The following CFAP92 variants were observed in gnomAD, a reference collection of about 807,000 sequenced individuals.
CFAP92 encodes the protein uncharacterized protein CFAP92.
A neutral mutation model predicts 106.3 loss-of-function variants in CFAP92; 86 were observed. The ratio of observed to expected loss-of-function variants is 0.81; its 90% CI spans 0.68 to 0.97. The LOEUF (loss-of-function observed/expected upper bound fraction) is 0.97. CFAP92 is among the 50% of genes least tolerant of loss of function. The pLI is 0.00. For synonymous variants in CFAP92, 477 were observed against 506.4 expected (o/e 0.94, Z 0.78); for missense variants, 1,204 against 1,283.8 (o/e 0.94, Z 0.95).
intron 7 of CFAP92, 36 bp from the exon 8 acceptor site, chr3:128,971,469 G>A (rs1173515346): frequency 1.2e-5 from 18 of 1,512,226 alleles, no homozygotes; most frequent in Non-Finnish European, 1.5e-5. Context: ...GCATTAAGAG[G>A]AGACTGTATC....
intron 2 of CFAP92, among the ~76,000 whole-genome samples, chr3:128,990,501 C>T (rs534205522): frequency 1.2e-4 from 18 of 152,130 alleles, no homozygotes; most frequent in African/African-American, 3.9e-4. Flanking sequence ...TGTCTAAAAA[C>T]AAACAAACAA....
chr3:128,990,970 A>G (rs1944175407), intron 2 of CFAP92, among the ~76,000 whole-genome samples: 2 of 151,746 alleles, frequency 1.3e-5, no homozygotes, highest in Admixed American at 1.3e-4. Flanking sequence ...GTATTGAAGG[A>G]AAAAAAAATT....
At chr3:128,960,062 C>T (rs1327948738) in intron 9 of CFAP92, among the ~76,000 whole-genome samples, 1 of 152,186 alleles carries the variant, frequency 6.6e-6, no homozygotes, top group Non-Finnish European at 1.5e-5. Context: ...GTGAGATCCA[C>T]CCCTGCCCAC....
Position 128,993,335 on chromosome 3 carries a change from T to A in CFAP92, c.-31A>T, listed in dbSNP as rs1198238427. 6.3e-7 allele frequency: 1 copy of A among 1,589,382 alleles called. No homozygotes were observed. The highest frequency in any genetic ancestry group is 1.8e-5 in the Admixed American group (1 of 56,438). ...AGAGCGCACTGCTGGCCGCCGGCGC[T>A]CCTGGCAGGGAGAAAGTGAAGGCTG... is the stretch of plus-strand genomic sequence containing the variant. On this transcript the variant is annotated splice_region_variant and 5_prime_UTR_variant, in exon 2 of 16. Transcript: ENST00000645291.
intron 3 of CFAP92, among the ~76,000 whole-genome samples, chr3:128,988,465 G>A (rs758941750): frequency 3.9e-5 from 6 of 152,004 alleles, no homozygotes; most frequent in Non-Finnish European, 7.4e-5. Context: ...TGCTTGAACC[G>A]GGAGGCAGAG....
intron 1 of CFAP92, chr3:129,002,063 C>G: frequency 1.9e-6 from 3 of 1,538,504 alleles, no homozygotes; most frequent in Non-Finnish European, 1.8e-6. Flanking sequence ...TCCGCCAGTT[C>G]CACGCGCGCC....
At chr3:128,917,447 GTTC>G (rs1377091654) in intron 12 of CFAP92, among the ~76,000 whole-genome samples, 3 of 152,162 alleles carry the variant, frequency 2.0e-5, no homozygotes, top group Admixed American at 6.5e-5. Flanking sequence ...CTGTTCCGTA[GTTC>G]TTCTGGGTGC....
At chr3:128,977,983 A>G (rs565919411) in intron 5 of CFAP92, 62 bp downstream of exon 5, 1 of 1,604,646 alleles carries the variant, frequency 6.2e-7, no homozygotes, top group Admixed American at 1.7e-5. Context: ...AGCACACCAC[A>G]CAACCGCTTT....
At chr3:128,995,765 C>T (rs1261288357), upstream of CFAP92, among the ~76,000 whole-genome samples, 1 of 152,198 alleles carries the variant, frequency 6.6e-6, no homozygotes, top group Non-Finnish European at 1.5e-5. Context: ...ACCTACATGT[C>T]AAAAATACAA....
rs1169905843 is a variant in CFAP92 at position 128,978,129 on chromosome 3, T to C, written c.724A>G (p.Thr242Ala). The C allele has an allele frequency of 1.2e-6, 2 of 1,613,860 alleles. No individual in the cohort carries two copies. The highest frequency in any genetic ancestry group is 1.7e-6 in the Non-Finnish European group (2 of 1,179,848). ...RKLSEQGIEN[T>A]NIVREESNQE... ...TTCGACTCTTCTCTGACAATGTTGG[T>C]ATTCTCAATGCCCTGTTCAGATAAT... Residue 242 changes from threonine to alanine, a missense_variant, in exon 5 of 16, where the codon ACC (threonine) becomes GCC (alanine). Transcript: ENST00000645291.
chr3:128,912,354 G>GAATC (rs1936427774), intron 15 of CFAP92, among the ~76,000 whole-genome samples: 2 of 152,166 alleles, frequency 1.3e-5, no homozygotes, highest in Admixed American at 1.3e-4. Context: ...CTGCAGCCCT[G>GAATC]AATCACTTGC....
intron 11 of CFAP92, among the ~76,000 whole-genome samples, 154 bp downstream of exon 11, chr3:128,934,971 C>G (rs1366026123): frequency 6.6e-6 from 1 of 152,230 alleles, no homozygotes; most frequent in East Asian, 1.9e-4. Flanking sequence ...GCCACAGAGT[C>G]ACAGCATCTG....
At chr3:129,014,753 C>T in the CFAP92 span, among the ~76,000 whole-genome samples, 2 of 152,100 alleles carry the variant, frequency 1.3e-5, no homozygotes, top group Non-Finnish European at 2.9e-5. The surrounding 1 kb of genome is among the most constrained non-coding windows in gnomAD (Gnocchi z 4.3). Context: ...GAGGTGACTC[C>T]CATAGCAAAA....
At chr3:128,995,758 T>A (rs1400661998), upstream of CFAP92, among the ~76,000 whole-genome samples, 8 of 152,234 alleles carry the variant, frequency 5.3e-5, no homozygotes. Context: ...TGGAAACACC[T>A]ACATGTCAAA....
chr3:128,993,377 A>C, intron 1 of CFAP92, 41 bp from the exon 2 acceptor site: 1 of 1,535,454 alleles, frequency 6.5e-7, no homozygotes, highest in South Asian at 1.2e-5. Context: ...CCTGTATTCC[A>C]GGGCTGCTCC....
At chr3:128,948,012 A>G (rs919189685) in intron 9 of CFAP92, among the ~76,000 whole-genome samples, 1 of 152,228 alleles carries the variant, frequency 6.6e-6, no homozygotes, top group African/African-American at 2.4e-5. Context: ...CTTCATCAAA[A>G]TTAAAATTTT....
At chr3:129,001,585 G>A in intron 1 of CFAP92, 9 of 1,346,498 alleles carry the variant, frequency 6.7e-6, no homozygotes, top group Non-Finnish European at 8.5e-6. Flanking sequence ...GCGGGGCGAA[G>A]GGACCGGAGG....
At chr3:128,994,100 G>A, upstream of CFAP92, 4 of 985,840 alleles carry the variant, frequency 4.1e-6, no homozygotes, top group Non-Finnish European at 4.8e-6. Flanking sequence ...GCCGGTGCAG[G>A]GAGGGCCGCA....
the CFAP92 span, among the ~76,000 whole-genome samples, chr3:129,015,762 TCCTC>T: frequency 2.0e-5 from 3 of 149,644 alleles, no homozygotes. Flanking sequence ...TTTCCGCCCT[TCCTC>T]TGCTGCATCC....
Sources: gnomAD v4.1 joint callset for allele counts (sites outside exome capture counted in the v4.1 genomes callset) on GRCh38, gnomAD v4.1.1 for gene constraint, Gnocchi (gnomAD v3.1) non-coding constraint, MANE v1.5 for transcripts, NCBI Gene and HGNC (gene_info 2026-07-23, HGNC 2026-07-21) for gene names.